Variants in EEF1D observed in about 807,000 individuals in gnomAD.
The protein encoded by EEF1D is elongation factor 1-delta.
A neutral mutation model predicts 63.9 loss-of-function variants in EEF1D; 47 were observed. The observed-to-expected ratio is 0.74, with a 90% CI of 0.58 to 0.94. The LOEUF (loss-of-function observed/expected upper bound fraction) is 0.94, where lower values mean the gene tolerates loss of function less well. EEF1D is among the 40% of genes least tolerant of loss of function. The pLI is 0.00. For missense variants in EEF1D, 907 were observed against 899.0 expected (o/e 1.01, Z -0.11); for synonymous variants, 412 against 386.1 (o/e 1.07, Z -0.79).
Position 143,580,158 on chromosome 8 carries a change from T to G in EEF1D, c.1759A>C (p.Ile587Leu), listed in dbSNP as rs1563946762. The G allele has an allele frequency of 6.2e-7, 1 of 1,613,786 alleles. No homozygotes were observed. The highest frequency in any genetic ancestry group is 8.5e-7 in the Non-Finnish European group (1 of 1,180,020). Residue 587 changes from isoleucine to leucine, a missense_variant, in exon 9 of 10, where the codon ATC becomes CTC. By Grantham distance (5) the Ile-to-Leu change is conservative. Transcript: ENST00000618139. Reference protein sequence around the residue: ...MAQLEACVRSIQLDGLVWGAS... With the variant: ...MAQLEACVRSLQLDGLVWGAS... ...CCCCAGACCAGCCCGTCCAGCTGGA[T>G]AGAGCGCACACAGGCCTCCAGCTGG...
intron 2 of EEF1D, among the ~76,000 whole-genome samples, chr8:143,591,666 A>G (rs1011906760): frequency 3.3e-5 from 5 of 152,232 alleles, no homozygotes; most frequent in African/African-American, 1.2e-4. Flanking sequence ...GCCTGAGGGC[A>G]GACAGACCCA....
chr8:143,590,423 A>G (rs1827755757), intron 2 of EEF1D: 3 of 655,650 alleles, frequency 4.6e-6, no homozygotes, highest in South Asian at 2.7e-5. Flanking sequence ...ACATACTTAC[A>G]CTAAAAATTT....
intron 2 of EEF1D, chr8:143,590,805 G>T (rs1333098308): frequency 6.5e-6 from 1 of 153,400 alleles, no homozygotes; most frequent in East Asian, 1.9e-4. Flanking sequence ...TCCTAGGGAG[G>T]CTGAGGCAGG....
intron 2 of EEF1D, chr8:143,590,856 G>C (rs954293080): frequency 6.6e-6 from 1 of 152,368 alleles, no homozygotes; most frequent in African/African-American, 2.4e-5. Context: ...GCAGTGAACC[G>C]AGATGGCGCC....
Position 143,589,740 on chromosome 8 carries a change from G to C in EEF1D, c.342C>G (p.Asp114Glu). Reference protein sequence around the residue: ...LGLSAERVWLDKSLFDQAESS... With the variant: ...LGLSAERVWLEKSLFDQAESS... ...TCTCTGCCTGGTCGAAAAGTGACTT[G>C]TCCAGCCACACGCGTTCGGCCGAGA... Residue 114 changes from aspartate (D) to glutamate (E), a missense_variant, in exon 3 of 10, where the codon GAC becomes GAG. Physicochemically the swap from Asp to Glu is conservative, Grantham distance 45. Transcript: ENST00000618139. The C allele has an allele frequency of 6.5e-7, 1 of 1,527,592 alleles. No individual in the cohort carries two copies. 94.6% of individuals were successfully genotyped at this position (1,527,592 alleles called of 1,614,324 possible).
chr8:143,584,922 G>C (rs1385466755), intron 5 of EEF1D, among the ~76,000 whole-genome samples: 2 of 152,158 alleles, frequency 1.3e-5, no homozygotes, highest in African/African-American at 4.8e-5. Flanking sequence ...TTTGGGAGCA[G>C]ATAACTTGCT....
chr8:143,579,808 G>A lies in EEF1D; in HGVS notation c.1928C>T (p.Ala643Val), dbSNP rs1408474906. 2.6e-6 allele frequency: 4 copies of A among 1,565,750 alleles called. No individual in the cohort carries two copies. Among genetic ancestry groups the A allele is most frequent in the African/African-American group, 2.7e-5 (2 of 73,544 alleles). ...ACTCAGGCTTCAGATCTTGTTGAAA[G>A]CTGCGATATCGACACTCTGCACCTG... ...EEHVQSVDIA[A>V]FNKI The change falls in exon 10 of 10, where the codon GCT becomes GTT. Residue 643 changes from alanine to valine, a missense_variant. Ala to Val is a moderately conservative substitution (Grantham distance 64, BLOSUM62 0). Coordinates refer to ENST00000618139, the MANE Select transcript of EEF1D (RefSeq NM_001130053.5).
intron 3 of EEF1D, 109 bp from the exon 4 acceptor site, chr8:143,586,961 G>T: frequency 6.8e-7 from 1 of 1,480,006 alleles, no homozygotes; most frequent in Non-Finnish European, 9.2e-7. Context: ...TCAGACACCA[G>T]CGGTTCTCCA....
At position 143,581,101 on chromosome 8, in the gene EEF1D, G is replaced by T; in HGVS notation, c.1441C>A (p.Leu481Met). 8.1e-6 allele frequency: 13 copies of T among 1,612,780 alleles called. No homozygotes were observed. Among genetic ancestry groups the T allele is most frequent in the Non-Finnish European group, 1.1e-5 (13 of 1,179,966 alleles). The change falls in exon 7 of 10, where the codon CTG becomes ATG. Residue 481 changes from leucine to methionine, a missense_variant. Leu to Met is a conservative substitution (Grantham distance 15, BLOSUM62 2). Coordinates refer to ENST00000618139, the MANE Select transcript of EEF1D (RefSeq NM_001130053.5). The stretch of plus-strand genomic sequence containing the variant: ...CGGTGGCCAGGCGAGCTCTTCTCCA[G>T]CACGTTCAGCCGGGCCTCCAGCTTG... ...ISKLEARLNV[L>M]EKSSPGHRAT...
intron 5 of EEF1D, chr8:143,581,553 G>A (rs372287919): frequency 3.4e-6 from 2 of 582,730 alleles, no homozygotes; most frequent in South Asian, 2.1e-5. Context: ...GGCTCTTGGT[G>A]CCCCAGAGAC....
intron 5 of EEF1D, chr8:143,585,950 C>T: frequency 2.3e-6 from 1 of 443,686 alleles, no homozygotes; most frequent in Admixed American, 3.8e-5. Context: ...GCAAATGGCA[C>T]CACTCAGCTC....
chr8:143,593,996 C>G, intron 1 of EEF1D: 2 of 864,330 alleles, frequency 2.3e-6, no homozygotes, highest in Non-Finnish European at 2.8e-6. Flanking sequence ...CAGGACACAG[C>G]GACTCTTTCA....
intron 5 of EEF1D, chr8:143,584,307 C>T (rs1010501106): frequency 3.3e-5 from 5 of 150,884 alleles, no homozygotes; most frequent in Admixed American, 6.6e-5. Context: ...AATCCCAGCA[C>T]TTTGAGAGGC....
rs777427469 is a variant in EEF1D at position 143,589,250 on chromosome 8, G to A, written c.832C>T (p.Arg278Trp). The change falls in exon 3 of 10, where the codon CGG becomes TGG. Residue 278 changes from arginine to tryptophan, a missense_variant. Arg to Trp is a moderately radical substitution (Grantham distance 101). Transcript: ENST00000618139. The stretch of plus-strand genomic sequence containing the variant: ...TTCCCTAAGATGTTGCGGCCCCGCC[G>A]GTCTCTGCGGCCCCGCCGGGCACCC... ...AEGARRGRRD[R>W]RGRNILGNKR... The A allele has an allele frequency of 2.0e-5, 31 of 1,582,922 alleles. No individual in the cohort carries two copies. The highest frequency in any genetic ancestry group is 2.3e-5 in the Non-Finnish European group (27 of 1,162,934).
chr8:143,580,886 A>G, intron 7 of EEF1D, 159 bp from the exon 8 acceptor site: 1 of 1,127,182 alleles, frequency 8.9e-7, no homozygotes, highest in South Asian at 1.4e-5. Context: ...AAAGACAAAA[A>G]CTGCCTCCAC....
Position 143,580,655 on chromosome 8 carries a change from C to T in EEF1D, c.1561G>A (p.Asp521Asn). 1 of 1,613,960 alleles carries T rather than the reference C, an allele frequency of 6.2e-7. No individual in the cohort carries two copies. Among genetic ancestry groups the T allele is most frequent in the South Asian group, 1.1e-5 (1 of 91,076 alleles). Residue 521 changes from aspartate to asparagine, a missense_variant, in exon 8 of 10, where the codon GAT becomes AAT. Coordinates refer to ENST00000618139, the MANE Select transcript of EEF1D (RefSeq NM_001130053.5). The stretch of plus-strand genomic sequence containing the variant: ...TCACTGCCAAACAGGTCAATGTCAT[C>T]ATCCTCGTCATCCTCTGCTGGTGTG... Reference protein sequence around the residue: ...PATPAEDDEDDDIDLFGSDNE... With the variant: ...PATPAEDDEDNDIDLFGSDNE...
In EEF1D at chr8:143,580,928, G is replaced by A. The variant is rs896948; in HGVS notation, c.1488+126C>T. On this transcript the variant is annotated intron_variant, in intron 7 of 9. Coordinates refer to ENST00000618139, the MANE Select transcript of EEF1D (RefSeq NM_001130053.5). Reference sequence around the variant, plus strand: ...AGGGCTAACTGTAAACCTTCCTGGGGACCTGAGGACTCCAGTATCCTGGCT... The same window carrying A: ...AGGGCTAACTGTAAACCTTCCTGGGAACCTGAGGACTCCAGTATCCTGGCT... 6.2e-4 allele frequency: 752 copies of A among 1,214,358 alleles called. 3 individuals carry two copies. The African/African-American group carries it at 0.01, about 17-fold the overall frequency. The allele number at this position is 1,214,358 out of a possible 1,614,324, so 75.2% of individuals were successfully genotyped here. A position where few individuals can be genotyped will look rare whatever the true frequency, so the allele number is the denominator to read the frequency against.
intron 5 of EEF1D, 68 bp from the exon 6 acceptor site, chr8:143,581,396 G>T: frequency 1.4e-6 from 2 of 1,418,994 alleles, no homozygotes; most frequent in Non-Finnish European, 1.9e-6. Flanking sequence ...CCATGCTCAG[G>T]ACTGCAGGAA....
chr8:143,585,534 A>G (rs1426989623), intron 5 of EEF1D, among the ~76,000 whole-genome samples: 1 of 152,228 alleles, frequency 6.6e-6, no homozygotes, highest in Non-Finnish European at 1.5e-5. Flanking sequence ...GTGGAAAGCC[A>G]TAGCAGCAGC....
Sources: gnomAD v4.1 joint callset for allele counts (sites outside exome capture counted in the v4.1 genomes callset) on GRCh38, gnomAD v4.1.1 for gene constraint, MANE v1.5 for transcripts, NCBI Gene and HGNC (gene_info 2026-07-23, HGNC 2026-07-21) for gene names.